FASTKD1: variants seen among roughly 807,000 people sequenced by gnomAD.
FASTKD1 encodes FAST kinase domains 1, also known as FAST kinase domain-containing protein 1, mitochondrial.
Under a neutral mutation model 90.9 loss-of-function variants are expected in FASTKD1, and 94 were observed. The observed-to-expected ratio is 1.03, with a 90% CI of 0.88 to 1.23. The LOEUF is 1.23. Among genes scored for constraint, FASTKD1 ranks in the 50% most tolerant of loss-of-function variants. FASTKD1 has a pLI of 0.00. For missense variants in FASTKD1, 945 were observed against 993.5 expected (o/e 0.95, Z 0.66); for synonymous variants, 319 against 345.8 (o/e 0.92, Z 0.86).
intron 3 of FASTKD1, among the ~76,000 whole-genome samples, chr2:169,567,835 C>A (rs533590273): frequency 1.3e-5 from 2 of 152,176 alleles, no homozygotes; most frequent in Admixed American, 1.3e-4. Context: ...TTTCTTTCCT[C>A]CCTAACATTT....
intron 5 of FASTKD1, 52 bp downstream of exon 5, chr2:169,560,335 A>C: frequency 7.0e-7 from 1 of 1,428,010 alleles, no homozygotes; most frequent in Non-Finnish European, 9.4e-7. Flanking sequence ...CTAAGCTTGA[A>C]GGCTCCACGT....
intron 9 of FASTKD1, among the ~76,000 whole-genome samples, chr2:169,544,137 T>TA (rs1017226248): frequency 5.3e-5 from 8 of 151,978 alleles, no homozygotes; most frequent in African/African-American, 1.4e-4. Context: ...CAGAAAAAAA[T>TA]AAGAGAGTCA....
chr2:169,531,235 G>T, intron 13 of FASTKD1, 117 bp downstream of exon 13: 1 of 1,050,404 alleles, frequency 9.5e-7, no homozygotes, highest in Non-Finnish European at 1.5e-6. Flanking sequence ...AAGGTGGAAT[G>T]CATGACATAT....
rs562585760 is a variant in FASTKD1 at position 169,546,712 on chromosome 2, A to G, written c.1215-8T>C. ...AAACTATTTTTCAAATAACTGCAAA[A>G]TGAAAAATGAAAAGAATACATCAGC... On this transcript the variant is annotated splice_region_variant and splice_polypyrimidine_tract_variant and intron_variant, in intron 7 of 14. Transcript: ENST00000453153. 3.8e-6 allele frequency: 6 copies of G among 1,590,412 alleles called. No individual in the cohort carries two copies. The African/African-American group carries it at 8.1e-5, about 22-fold the overall frequency.
intron 11 of FASTKD1, 40 bp from the exon 12 acceptor site, chr2:169,537,380 T>C: frequency 7.3e-7 from 1 of 1,369,714 alleles, no homozygotes. Context: ...TTAATCTTTT[T>C]TTTCTTTTTT....
chr2:169,531,620 C>T, intron 12 of FASTKD1, 130 bp from the exon 13 acceptor site: 1 of 681,228 alleles, frequency 1.5e-6, no homozygotes, highest in East Asian at 2.8e-5. Context: ...TGACGAACCT[C>T]TCAGATTATC....
rs779889197 is a variant in FASTKD1, at chr2:169,546,607, G to A, written c.1312C>T (p.Arg438Ter). 10 of 1,613,972 alleles carry A rather than the reference G, an allele frequency of 6.2e-6. No individual in the cohort carries two copies. The highest frequency in any genetic ancestry group is 1.7e-5 in the Admixed American group (1 of 59,984). ...CACTGTGGTAAAACGGCTTCAATTC[G>A]GGATATCCCCACTTCGTCCAAGTGA... The part of the protein sequence containing the change: ...SPHLDEVGIS[R>*]IEAVLPQCDL... Residue 438 changes from arginine to a stop codon, truncating the protein, a stop_gained, in exon 8 of 15, where the codon CGA becomes TGA. Coordinates refer to ENST00000453153, the MANE Select transcript of FASTKD1 (RefSeq NM_024622.6). LOFTEE classifies it high-confidence loss of function.
chr2:169,556,308 T>C (rs1174438277), intron 6 of FASTKD1, among the ~76,000 whole-genome samples: 1 of 151,528 alleles, frequency 6.6e-6, no homozygotes, highest in Non-Finnish European at 1.5e-5. Flanking sequence ...TGGCGACACG[T>C]GCCTGTAGTC....
chr2:169,560,836 ATTC>A, intron 4 of FASTKD1, 51 bp from the exon 5 acceptor site: 34 of 754,944 alleles, frequency 4.5e-5, no homozygotes, highest in South Asian at 1.6e-4. Context: ...AGAATGATCA[ATTC>A]TTTTTTTTTT....
chr2:169,544,648 A>G (rs1417132844), intron 9 of FASTKD1, 73 bp downstream of exon 9: 4 of 812,318 alleles, frequency 4.9e-6, no homozygotes, highest in Non-Finnish European at 8.3e-6. Context: ...TAAATGAGGG[A>G]CATCTCCTAG....
At chr2:169,553,241 T>G in intron 7 of FASTKD1, among the ~76,000 whole-genome samples, 1 of 32,128 alleles carries the variant, frequency 3.1e-5, no homozygotes, top group East Asian at 7.7e-4. Flanking sequence ...AATAAAAACA[T>G]AAAAATATAG....
At chr2:169,549,417 A>T (rs1685388193) in intron 7 of FASTKD1, among the ~76,000 whole-genome samples, 3 of 152,154 alleles carry the variant, frequency 2.0e-5, no homozygotes, top group Non-Finnish European at 4.4e-5. Flanking sequence ...AAAAAATTAA[A>T]AATAAAAATA....
intron 9 of FASTKD1, among the ~76,000 whole-genome samples, chr2:169,542,283 A>G (rs945707795): frequency 6.6e-5 from 10 of 152,198 alleles, no homozygotes; most frequent in Non-Finnish European, 1.3e-4. Flanking sequence ...AAGTACATGG[A>G]AAGTGTTGAC....
In FASTKD1 at chr2:169,571,717, C is replaced by T. The variant is rs1280917841; in HGVS notation, c.313G>A (p.Ala105Thr). The change falls in exon 2 of 15, where the codon GCT (alanine) becomes ACT (threonine). Residue 105 changes from alanine (A) to threonine (T), a missense_variant. By Grantham distance (58) the Ala-to-Thr change is moderately conservative. Transcript: ENST00000453153. ...HPQFLTLHNL[A>T]TNKFKLMNDD... ...TTCATTAATTTGAATTTATTTGTAGCTAAATTATGAAGAGTAAGAAATTGA... is the reference window on the plus strand; with the variant it reads ...TTCATTAATTTGAATTTATTTGTAGTTAAATTATGAAGAGTAAGAAATTGA... The T allele has an allele frequency of 1.2e-6, 2 of 1,612,382 alleles. No homozygotes were observed. The highest frequency in any genetic ancestry group is 2.2e-5 in the South Asian group (2 of 90,960).
intron 6 of FASTKD1, among the ~76,000 whole-genome samples, chr2:169,556,576 C>T (rs1262536289): frequency 2.0e-5 from 3 of 152,066 alleles, no homozygotes; most frequent in Admixed American, 2.0e-4. Flanking sequence ...GTAATCCCAG[C>T]ACTCTGGGAG....
chr2:169,555,055 A>G (rs1223075630), intron 7 of FASTKD1, 69 bp downstream of exon 7: 10 of 1,458,110 alleles, frequency 6.9e-6, no homozygotes, highest in Non-Finnish European at 7.5e-6. Context: ...ACCACTGTAC[A>G]TAGTTAAACA....
intron 4 of FASTKD1, among the ~76,000 whole-genome samples, chr2:169,561,960 T>C (rs1356382321): frequency 7.7e-6 from 1 of 129,900 alleles, no homozygotes; most frequent in Admixed American, 8.5e-5. Context: ...ATTATTAATT[T>C]ATTGTAAATT....
At position 169,546,322 on chromosome 2, in the gene FASTKD1, A is replaced by C. The variant is rs1198059494; in HGVS notation, c.1597T>G (p.Tyr533Asp). The change falls in exon 8 of 15, where the codon TAC becomes GAC. Residue 533 changes from tyrosine to aspartate, a missense_variant. By Grantham distance (160) the Tyr-to-Asp change is radical. Coordinates refer to ENST00000453153, the MANE Select transcript of FASTKD1 (RefSeq NM_024622.6). ...GATGCAATCTCCCCAACATTTATGTAATTAATATCATCCATGAAATGCTGT... is the reference window on the plus strand; with the variant it reads ...GATGCAATCTCCCCAACATTTATGTCATTAATATCATCCATGAAATGCTGT... ...TLQHFMDDINYINVGEIASFI... is the reference protein window; with the variant it reads ...TLQHFMDDINDINVGEIASFI... 6.2e-7 allele frequency: 1 copy of C among 1,614,016 alleles called. No homozygotes were observed. Among genetic ancestry groups the C allele is most frequent in the Non-Finnish European group, 8.5e-7 (1 of 1,179,940 alleles).
chr2:169,531,442 C>T lies in FASTKD1; in HGVS notation c.2237G>A (p.Ser746Asn). The T allele has an allele frequency of 1.2e-6, 2 of 1,612,032 alleles. No individual in the cohort carries two copies. Among genetic ancestry groups the T allele is most frequent in the South Asian group, 2.2e-5 (2 of 90,902 alleles). The change falls in exon 13 of 15, where the codon AGC becomes AAC. Residue 746 changes from serine (S) to asparagine (N), a missense_variant. Transcript: ENST00000453153. ...TAGTTGTCCCAATGCTATATTATGG[C>T]TTCCATACGGAAGAGGTTTTTTTCT... ...DKRKKPLPYG[S>N]HNIALGQLPE...
Sources: gnomAD v4.1 joint callset for allele counts (sites outside exome capture counted in the v4.1 genomes callset) on GRCh38, gnomAD v4.1.1 for gene constraint, MANE v1.5 for transcripts, NCBI Gene and HGNC (gene_info 2026-07-23, HGNC 2026-07-21) for gene names.